Variants in ZCCHC7 observed in about 807,000 individuals in gnomAD.
ZCCHC7 encodes the protein zinc finger CCHC domain-containing protein 7.
ZCCHC7 carries 35 observed loss-of-function variants against 52.0 expected under a neutral mutation model. The observed-to-expected ratio is 0.67, with a 90% CI of 0.51 to 0.89. The LOEUF (loss-of-function observed/expected upper bound fraction) is 0.89. Ranked by LOEUF, ZCCHC7 falls within the 40% of genes least tolerant of loss-of-function variation. The pLI is 0.00. For missense variants in ZCCHC7, 574 were observed against 649.1 expected, an observed-to-expected ratio of 0.88 and a Z score of 1.26; for synonymous variants, 217 against 221.5, an observed-to-expected ratio of 0.98 and a Z score of 0.18.
intron 2 of ZCCHC7, among the ~76,000 whole-genome samples, chr9:37,281,153 C>T (rs1453843468): frequency 1.3e-5 from 2 of 152,054 alleles, no homozygotes; most frequent in African/African-American, 4.8e-5. Context: ...GTAGCTGGGA[C>T]CACAGGCGTA....
chr9:37,357,123 A>G lies in ZCCHC7; in HGVS notation c.1487A>G (p.His496Arg). 2 of 1,613,678 alleles carry G rather than the reference A, an allele frequency of 1.2e-6. No homozygotes were observed. Among genetic ancestry groups the G allele is most frequent in the Non-Finnish European group, 1.7e-6 (2 of 1,179,936 alleles). ...FKTQKPSKPF[H>R]RSSHYHTSRE... ...ACCCAGAAGCCTTCTAAGCCCTTTCACCGTTCATCACATTACCACACGTCA... is the reference window on the plus strand; with the variant it reads ...ACCCAGAAGCCTTCTAAGCCCTTTCGCCGTTCATCACATTACCACACGTCA... The change falls in exon 9 of 9, where the codon CAC becomes CGC. Residue 496 changes from histidine to arginine, a missense_variant. Physicochemically the swap from His to Arg is conservative, Grantham distance 29 (BLOSUM62 0). Transcript: ENST00000336755.
At chr9:37,268,627 C>T (rs1247905306) in intron 2 of ZCCHC7, among the ~76,000 whole-genome samples, 1 of 152,012 alleles carries the variant, frequency 6.6e-6, no homozygotes, top group African/African-American at 2.4e-5. Flanking sequence ...GGGGTTTCAC[C>T]GTGTTAGCCA....
At chr9:37,238,246 G>A (rs1417550885) in intron 2 of ZCCHC7, among the ~76,000 whole-genome samples, 1 of 152,096 alleles carries the variant, frequency 6.6e-6, no homozygotes, top group Non-Finnish European at 1.5e-5. Flanking sequence ...TAATACTATT[G>A]TAACATTACT....
At chr9:37,120,524 C>G, upstream of ZCCHC7, 1 of 399,144 alleles carries the variant, frequency 2.5e-6, no homozygotes, top group South Asian at 1.3e-4. Context: ...CCTCCCGGGT[C>G]TGCGCGGACG....
chr9:37,129,631 A>G (rs948602194), intron 2 of ZCCHC7, among the ~76,000 whole-genome samples: 1 of 152,208 alleles, frequency 6.6e-6, no homozygotes, highest in Non-Finnish European at 1.5e-5. Flanking sequence ...AGAAATGCCT[A>G]TTGTTAAACA....
intron 2 of ZCCHC7, among the ~76,000 whole-genome samples, chr9:37,133,709 C>T (rs1270621975): frequency 2.0e-5 from 3 of 152,198 alleles, no homozygotes; most frequent in African/African-American, 4.8e-5. Context: ...CCACCTCAGC[C>T]TTCCGAGTAG....
chr9:37,151,782 A>T (rs1262809775), intron 2 of ZCCHC7, among the ~76,000 whole-genome samples: 1 of 152,082 alleles, frequency 6.6e-6, no homozygotes, highest in East Asian at 1.9e-4. Flanking sequence ...TCCAGCCTGG[A>T]CAACAGGGTG....
intron 2 of ZCCHC7, among the ~76,000 whole-genome samples, chr9:37,217,711 C>T (rs1397336250): frequency 6.6e-6 from 1 of 152,160 alleles, no homozygotes; most frequent in Non-Finnish European, 1.5e-5. Context: ...AAATTTCCAA[C>T]AGTATCTTGT....
chr9:37,301,418 G>A (rs1829025554), intron 2 of ZCCHC7, among the ~76,000 whole-genome samples: 1 of 152,136 alleles, frequency 6.6e-6, no homozygotes, highest in South Asian at 2.1e-4. Context: ...GTGACATGGT[G>A]AAACCCTGTC....
At chr9:37,340,903 T>A (rs917576147) in intron 6 of ZCCHC7, among the ~76,000 whole-genome samples, 1 of 152,214 alleles carries the variant, frequency 6.6e-6, no homozygotes, top group South Asian at 2.1e-4. Flanking sequence ...TACTAATTAA[T>A]TATTGTGAAA....
At chr9:37,315,475 G>C (rs1008061551) in intron 5 of ZCCHC7, among the ~76,000 whole-genome samples, 1 of 151,880 alleles carries the variant, frequency 6.6e-6, no homozygotes, top group African/African-American at 2.4e-5. Flanking sequence ...AGAAGTTCAA[G>C]ACACTCAAGC....
intron 5 of ZCCHC7, among the ~76,000 whole-genome samples, chr9:37,322,942 T>C (rs1376356457): frequency 6.6e-6 from 1 of 152,156 alleles, no homozygotes; most frequent in Non-Finnish European, 1.5e-5. Flanking sequence ...AAATTGATGT[T>C]GTCATAACAA....
intron 2 of ZCCHC7, among the ~76,000 whole-genome samples, chr9:37,221,133 T>C (rs920406037): frequency 2.0e-5 from 3 of 152,192 alleles, no homozygotes; most frequent in Non-Finnish European, 4.4e-5. Flanking sequence ...CTTATTGCCC[T>C]GAGGAACAGT....
chr9:37,186,878 A>G (rs1822688459), intron 2 of ZCCHC7: 1 of 342,846 alleles, frequency 2.9e-6, no homozygotes, highest in Non-Finnish European at 5.6e-6. Context: ...ACTGCGATTT[A>G]TAAAATGAAA....
chr9:37,194,695 T>G (rs1267318250), intron 2 of ZCCHC7, among the ~76,000 whole-genome samples: 1 of 152,226 alleles, frequency 6.6e-6, no homozygotes. Flanking sequence ...TGTGAAATTA[T>G]GCTGGAATTC....
intron 2 of ZCCHC7, among the ~76,000 whole-genome samples, chr9:37,254,442 C>G (rs978292319): frequency 6.6e-6 from 1 of 151,666 alleles, no homozygotes; most frequent in African/African-American, 2.4e-5. Context: ...TGAGAAGGCT[C>G]ATTGTCATTT....
At chr9:37,159,800 A>G (rs1460953294) in intron 2 of ZCCHC7, among the ~76,000 whole-genome samples, 1 of 152,248 alleles carries the variant, frequency 6.6e-6, no homozygotes, top group Non-Finnish European at 1.5e-5. Context: ...ATAAGCAGAA[A>G]GACATCAGAA....
intron 2 of ZCCHC7, among the ~76,000 whole-genome samples, chr9:37,173,237 CATT>C (rs750641199): frequency 9.7e-4 from 148 of 152,328 alleles, no homozygotes; most frequent in Middle Eastern, 3.4e-3. Flanking sequence ...GTTGGTGTCT[CATT>C]GTTCATTTTG....
intron 2 of ZCCHC7, among the ~76,000 whole-genome samples, chr9:37,240,297 T>A (rs960810689): frequency 1.3e-5 from 2 of 152,024 alleles, no homozygotes; most frequent in African/African-American, 4.8e-5. Flanking sequence ...CTTTAGATTG[T>A]TACTAATTTA....
Sources: allele counts gnomAD v4.1 joint callset (sites outside exome capture counted in the v4.1 genomes callset), GRCh38; gene constraint gnomAD v4.1.1; transcripts MANE v1.5; gene names NCBI Gene and HGNC (gene_info 2026-07-23, HGNC 2026-07-21).